HMCN1: variants seen among roughly 807,000 people sequenced by gnomAD.
The protein encoded by HMCN1 is hemicentin 1.
A neutral mutation model predicts 625.9 loss-of-function variants in HMCN1; 321 were observed. That is an observed-to-expected ratio of 0.51 (90% CI 0.47 to 0.56). HMCN1 has a LOEUF of 0.56. HMCN1 is among the 20% of genes least tolerant of loss of function. The pLI is 0.00. For synonymous variants in HMCN1, 2,425 were observed against 2,417.6 expected (o/e 1.00, Z -0.09); for missense variants, 6,588 against 6,887.3 (o/e 0.96, Z 1.54).
chr1:186,125,466 A>G (rs1280567126), intron 81 of HMCN1, 138 bp from the exon 82 acceptor site: 3 of 686,392 alleles, frequency 4.4e-6, no homozygotes, highest in Admixed American at 4.9e-5. Context: ...AAGCAAATCA[A>G]TATCTTAATA....
chr1:185,819,542 A>G (rs2102265116), intron 1 of HMCN1, among the ~76,000 whole-genome samples: 1 of 152,288 alleles, frequency 6.6e-6, no homozygotes, highest in Admixed American at 6.5e-5. Context: ...TAAGTTAGTC[A>G]GAAATTGGAG....
chr1:185,938,130 A>G (rs1218992351), intron 11 of HMCN1, among the ~76,000 whole-genome samples: 1 of 152,094 alleles, frequency 6.6e-6, no homozygotes, highest in Non-Finnish European at 1.5e-5. Context: ...TGGAAATTAG[A>G]AACAGAAGTT....
rs774079243 is a variant in HMCN1 at position 185,864,574 on chromosome 1, A to G, written c.444A>G (p.Lys148=). The G allele has an allele frequency of 6.2e-6, 10 of 1,614,106 alleles. No individual in the cohort carries two copies. Among genetic ancestry groups the G allele is most frequent in the Non-Finnish European group, 8.5e-6 (10 of 1,179,998 alleles). Residue 148 remains lysine, a synonymous_variant, in exon 3 of 107, where the codon AAA becomes AAG. Transcript: ENST00000271588. ...ATGTTTTCACTGATGCTCGGTCCAA[A>G]GATTACCGGCTCACCCATGAGGTGC... is the stretch of plus-strand genomic sequence containing the variant. ...FIYVFTDARS[K]DYRLTHEVLQ...
intron 1 of HMCN1, among the ~76,000 whole-genome samples, chr1:185,792,016 G>A (rs1371634821): frequency 6.6e-6 from 1 of 152,094 alleles, no homozygotes; most frequent in Non-Finnish European, 1.5e-5. Flanking sequence ...TCCAAGCAAT[G>A]AAATTATAGA....
intron 3 of HMCN1, 109 bp from the exon 4 acceptor site, chr1:185,865,623 ACACACACAT>A: frequency 8.8e-5 from 64 of 728,982 alleles, no homozygotes; most frequent in Non-Finnish European, 1.2e-4. Flanking sequence ...ACACACACAC[ACACACACAT>A]TCACATATTC....
Position 186,038,051 on chromosome 1 carries a change from A to G in HMCN1, c.5851+16A>G, listed in dbSNP as rs1257981747. 2 of 1,449,994 alleles carry G rather than the reference A, an allele frequency of 1.4e-6. No homozygotes were observed. The highest frequency in any genetic ancestry group is 1.1e-5 in the South Asian group (1 of 87,792). The allele number at this position is 1,449,994 out of a possible 1,614,324, so 89.8% of individuals were successfully genotyped here. A position where few individuals can be genotyped will look rare whatever the true frequency, so the allele number is the denominator to read the frequency against. On this transcript the variant is annotated intron_variant, in intron 37 of 106. Transcript: ENST00000271588. ...CCTGTGCCTGGTACATTTACTTTTG[A>G]ACTCTGTAACTTAATATTTTAAGAT...
chr1:186,081,493 A>T (rs1659169082), intron 56 of HMCN1, 99 bp downstream of exon 56: 1 of 823,484 alleles, frequency 1.2e-6, no homozygotes, highest in African/African-American at 1.7e-5. Flanking sequence ...TTAGCTTGTA[A>T]ATATTATATT....
chr1:185,988,525 TAAA>T (rs1223020980), intron 20 of HMCN1, among the ~76,000 whole-genome samples: 1 of 152,336 alleles, frequency 6.6e-6, no homozygotes, highest in African/African-American at 2.4e-5. Flanking sequence ...GTTAGCTTTT[TAAA>T]AAAATTATTC....
chr1:186,136,630 T>G (rs1262153790), intron 86 of HMCN1, 38 bp from the exon 87 acceptor site: 18 of 1,607,204 alleles, frequency 1.1e-5, no homozygotes, highest in Non-Finnish European at 1.4e-5. Context: ...ATGCTGTAAC[T>G]CCACAAAAAC....
At chr1:185,916,167 T>C (rs557429782) in intron 6 of HMCN1, among the ~76,000 whole-genome samples, 1 of 152,202 alleles carries the variant, frequency 6.6e-6, no homozygotes, top group Non-Finnish European at 1.5e-5. Context: ...AAAATAATGG[T>C]ATTTAAATCT....
Position 186,018,267 on chromosome 1 carries a change from T to C in HMCN1, c.5385T>C (p.Ala1795=), listed in dbSNP as rs2102145890. Residue 1795 remains alanine, a synonymous_variant, in exon 34 of 107, where the codon GCT becomes GCC. Transcript: ENST00000271588. The part of the protein sequence containing the change: ...LNGRKLVIAQ[A]QVSNTGLYRC... ...GACGCAAACTGGTTATTGCTCAGGC[T>C]CAAGTGTCAAACACAGGCCTTTATC... 6.2e-7 allele frequency: 1 copy of C among 1,612,950 alleles called. No homozygotes were observed.
rs1238443875 is a variant in HMCN1, at chr1:186,130,153, CAA to C, written c.13039+54_13039+55del. On this transcript the variant is annotated intron_variant, in intron 84 of 106. Transcript: ENST00000271588. ...TATAATGCATTCATAATGAATAGTTCAAGTTTTGCTTCTTTATTTTATGGTAA... is the reference window on the plus strand; with the variant it reads ...TATAATGCATTCATAATGAATAGTTCGTTTTGCTTCTTTATTTTATGGTAA... 2.5e-6 allele frequency: 4 copies of C among 1,607,172 alleles called. No individual in the cohort carries two copies. The African/African-American group carries it at 5.4e-5, about 22-fold the overall frequency.
intron 60 of HMCN1, 28 bp downstream of exon 60, chr1:186,087,673 C>T: frequency 1.3e-6 from 2 of 1,594,172 alleles, no homozygotes. Context: ...GTTTGAGTGT[C>T]ATGACACCTT....
chr1:185,910,481 T>C (rs998416281), intron 5 of HMCN1, among the ~76,000 whole-genome samples: 1 of 152,130 alleles, frequency 6.6e-6, no homozygotes, highest in East Asian at 1.9e-4. Context: ...TGCATTATGT[T>C]TCTACTACTT....
chr1:186,087,858 A>T, intron 60 of HMCN1, 74 bp from the exon 61 acceptor site: 1 of 1,363,172 alleles, frequency 7.3e-7, no homozygotes, highest in Non-Finnish European at 1.0e-6. Context: ...CTGATGATTT[A>T]ATCTAAACTC....
chr1:186,024,864 T>C (rs1273404741), intron 36 of HMCN1, among the ~76,000 whole-genome samples: 1 of 152,152 alleles, frequency 6.6e-6, no homozygotes. Context: ...CAGGGACCAG[T>C]TTCTTGGAAG....
intron 1 of HMCN1, among the ~76,000 whole-genome samples, chr1:185,748,919 C>A (rs753850486): frequency 1.5e-4 from 23 of 152,216 alleles, no homozygotes; most frequent in Non-Finnish European, 2.8e-4. Flanking sequence ...TGTAACTGGG[C>A]AGGTAACTAG....
intron 54 of HMCN1, among the ~76,000 whole-genome samples, chr1:186,076,935 T>G (rs1029677478): frequency 6.6e-6 from 1 of 152,194 alleles, no homozygotes; most frequent in African/African-American, 2.4e-5. Context: ...TTTATATATA[T>G]TATTAACATA....
intron 1 of HMCN1, among the ~76,000 whole-genome samples, chr1:185,823,630 C>A (rs1660333367): frequency 1.3e-5 from 2 of 152,106 alleles, no homozygotes; most frequent in Non-Finnish European, 2.9e-5. Flanking sequence ...TAGTGAAATC[C>A]AAGTCAGCTC....
Sources: gnomAD v4.1 joint callset for allele counts (sites outside exome capture counted in the v4.1 genomes callset) on GRCh38, gnomAD v4.1.1 for gene constraint, MANE v1.5 for transcripts, NCBI Gene and HGNC (gene_info 2026-07-23, HGNC 2026-07-21) for gene names.